The following CPM variants were observed in gnomAD, a reference collection of about 807,000 sequenced individuals.
CPM encodes carboxypeptidase M, also known as renal carboxypeptidase.
Under a neutral mutation model 46.4 loss-of-function variants are expected in CPM, and 35 were observed. The ratio of observed to expected loss-of-function variants is 0.75; its 90% CI spans 0.58 to 1.00. CPM has a LOEUF of 1.00. Among genes scored for constraint, CPM ranks in the 50% least tolerant of loss-of-function variants. The probability of loss-of-function intolerance (pLI) is 0.00; values close to 1 mark genes in which losing one functional copy is unlikely to be tolerated. For missense variants in CPM, 422 were observed against 530.4 expected, an observed-to-expected ratio of 0.80 and a Z score of 2.01; for synonymous variants, 195 against 195.3, an observed-to-expected ratio of 1.00 and a Z score of 0.01.
chr12:68,915,557 A>G (rs1260265837), intron 2 of CPM, among the ~76,000 whole-genome samples: 1 of 152,158 alleles, frequency 6.6e-6, no homozygotes, highest in Non-Finnish European at 1.5e-5. Flanking sequence ...AACTTTACCA[A>G]TCACCCTGTA....
chr12:68,844,108 T>C (rs1397768986), intron 5 of CPM: 3 of 207,342 alleles, frequency 1.4e-5, no homozygotes. Flanking sequence ...TCAACATGTT[T>C]ATGGGTTATT....
chr12:68,941,420 C>T (rs1014993387), intron 1 of CPM, among the ~76,000 whole-genome samples: 6 of 152,114 alleles, frequency 3.9e-5, no homozygotes, highest in Non-Finnish European at 7.4e-5. Context: ...GTTGCCCAGG[C>T]TGGAGTGCAG....
rs373939400 is a variant in CPM at position 68,926,075 on chromosome 12, C to T, written c.160+6603G>A. 3.1e-4 allele frequency among the ~76,000 whole-genome samples: 47 copies of T among 152,070 alleles called. No homozygotes were observed. In the East Asian group the frequency reaches 5.0e-3, roughly 16 times the overall value. ...GGGATGACAGGCATATGCCACCATG[C>T]GCAGCTAATTTTTTGTATTTTTGGT... On this transcript the variant is annotated intron_variant, in intron 2 of 8. Transcript: ENST00000551568.
chr12:68,925,176 T>A (rs1682093653), intron 2 of CPM, among the ~76,000 whole-genome samples: 1 of 152,236 alleles, frequency 6.6e-6, no homozygotes. Context: ...TTTTTCTTAA[T>A]ATGCATTTCC....
chr12:68,885,758 G>T, intron 3 of CPM, 34 bp downstream of exon 3: 1 of 1,552,078 alleles, frequency 6.4e-7, no homozygotes, highest in Non-Finnish European at 8.9e-7. Flanking sequence ...AAGCTTCTCT[G>T]GTGACATTTC....
intron 5 of CPM, chr12:68,843,478 ATAAG>A (rs1883985378): frequency 1.3e-5 from 3 of 226,614 alleles, no homozygotes; most frequent in Middle Eastern, 1.3e-3. Flanking sequence ...AATTTCTAAT[ATAAG>A]TATCTCTCAA....
At chr12:68,893,945 G>A (rs1886760999) in intron 2 of CPM, among the ~76,000 whole-genome samples, 1 of 152,120 alleles carries the variant, frequency 6.6e-6, no homozygotes, top group Admixed American at 6.5e-5. Context: ...CTAACTGATT[G>A]CCTGGACAAG....
chr12:68,938,426 A>G (rs1888706517), intron 1 of CPM, among the ~76,000 whole-genome samples: 2 of 152,038 alleles, frequency 1.3e-5, no homozygotes, highest in African/African-American at 4.8e-5. Flanking sequence ...AAACCCCAAA[A>G]CAATCAAACA....
intron 6 of CPM, among the ~76,000 whole-genome samples, 177 bp downstream of exon 6, chr12:68,869,148 T>A (rs1460857841): frequency 6.6e-6 from 1 of 152,214 alleles, no homozygotes; most frequent in African/African-American, 2.4e-5. Flanking sequence ...GGAACATGTC[T>A]GAGCATCTCT....
chr12:68,925,280 T>G (rs1263317558), intron 2 of CPM, among the ~76,000 whole-genome samples: 1 of 152,218 alleles, frequency 6.6e-6, no homozygotes, highest in Non-Finnish European at 1.5e-5. Flanking sequence ...ATTTCCTTTT[T>G]GGGTATGTAT....
At chr12:68,860,042 G>A (rs77577071) in intron 7 of CPM, among the ~76,000 whole-genome samples, 56 of 152,248 alleles carry the variant, frequency 3.7e-4, no homozygotes, top group African/African-American at 1.3e-3. Flanking sequence ...AGAAAAATAC[G>A]AGGCACACGT....
At chr12:68,921,032 T>G (rs1157058749) in intron 2 of CPM, among the ~76,000 whole-genome samples, 6 of 151,158 alleles carry the variant, frequency 4.0e-5, no homozygotes, top group African/African-American at 1.5e-4. Context: ...AAAAAGGCCT[T>G]CTTCACATGA....
At chr12:68,898,129 C>T (rs1144956) in intron 2 of CPM, among the ~76,000 whole-genome samples, 6,633 of 148,702 alleles carry the variant, frequency 0.045, 470 homozygotes, top group African/African-American at 0.15. Context: ...GTTAGGATTA[C>T]GGGCATGAGC....
chr12:68,913,946 C>A, intron 2 of CPM: 1 of 717,740 alleles, frequency 1.4e-6, no homozygotes, highest in Non-Finnish European at 2.6e-6. Flanking sequence ...GCTACAGATA[C>A]ACAGAATATC....
chr12:68,962,091 T>C (rs1189657954), intron 1 of CPM, among the ~76,000 whole-genome samples: 2 of 151,406 alleles, frequency 1.3e-5, no homozygotes, highest in Non-Finnish European at 2.9e-5. Flanking sequence ...TCTCAGCTAC[T>C]CAGGAGGCTG....
chr12:68,859,939 C>T (rs1235320055), intron 7 of CPM, among the ~76,000 whole-genome samples: 1 of 152,096 alleles, frequency 6.6e-6, no homozygotes, highest in Non-Finnish European at 1.5e-5. Context: ...CTGCCTAAGT[C>T]CCCAATAACA....
At chr12:68,880,527 T>A (rs1171999073) in intron 3 of CPM, among the ~76,000 whole-genome samples, 3 of 152,158 alleles carry the variant, frequency 2.0e-5, no homozygotes, top group Non-Finnish European at 4.4e-5. Flanking sequence ...TTAGTATCCA[T>A]CCCAGTGAAA....
At chr12:68,909,298 C>A (rs1368594180) in intron 2 of CPM, among the ~76,000 whole-genome samples, 1 of 152,214 alleles carries the variant, frequency 6.6e-6, no homozygotes, top group Non-Finnish European at 1.5e-5. Flanking sequence ...AACAATCCTC[C>A]CATCTTGACC....
Position 68,852,704 on chromosome 12 carries a change from C to G in CPM, c.*3733G>C, listed in dbSNP as rs895764191. 3 of 151,970 alleles carry G rather than the reference C, an allele frequency of 2.0e-5. No individual in the cohort carries two copies. The highest frequency in any genetic ancestry group is 7.3e-5 in the African/African-American group (3 of 41,376). The allele number at this position is 151,970 out of a possible 1,614,324, so 9.4% of individuals were successfully genotyped here. The stretch of plus-strand genomic sequence containing the variant: ...TCCCAAGTAGCTGGGATTACAGGTG[C>G]CTGCCACCACGCCCGGCTAATTTTT... On this transcript the variant is annotated 3_prime_UTR_variant, in exon 9 of 9. Coordinates refer to ENST00000551568, the MANE Select transcript of CPM (RefSeq NM_198320.5).
Sources: allele counts gnomAD v4.1 joint callset (sites outside exome capture counted in the v4.1 genomes callset), GRCh38; gene constraint gnomAD v4.1.1; transcripts MANE v1.5; gene names NCBI Gene and HGNC (gene_info 2026-07-23, HGNC 2026-07-21).